Variants in ENTREP3 observed in about 807,000 individuals in gnomAD.
The protein encoded by ENTREP3 is protein ENTREP3.
At chr1:155,252,050 A>G in the ENTREP3 span, 6 of 568,204 alleles carry the variant, frequency 1.1e-5, no homozygotes, top group South Asian at 8.7e-5. Context: ...CCTCACCCAA[A>G]ATCAGCTCTC....
At chr1:155,248,251 C>A in the ENTREP3 span, 1 of 1,602,888 alleles carries the variant, frequency 6.2e-7, no homozygotes, top group Non-Finnish European at 8.5e-7. Context: ...CACGTAGCAA[C>A]TTGGGGGAAG....
the ENTREP3 span, chr1:155,250,599 G>T: frequency 6.2e-7 from 1 of 1,606,818 alleles, no homozygotes; most frequent in African/African-American, 1.3e-5. This position sits in a 1 kb window ranked among gnomAD's most constrained non-coding sequence, Gnocchi z 5.4. Flanking sequence ...GGCAGCCCGT[G>T]GGGGGCGCCG....
At chr1:155,254,917 T>TGCCAGGGAG in the ENTREP3 span, 1 of 1,500,160 alleles carries the variant, frequency 6.7e-7, no homozygotes, top group African/African-American at 1.4e-5. This position sits in a 1 kb window ranked among gnomAD's most constrained non-coding sequence, Gnocchi z 4.4. Context: ...CGGCCCTCCC[T>TGCCAGGGAG]GGCACTTGGG....
chr1:155,250,059 C>CAA, the ENTREP3 span, among the ~76,000 whole-genome samples: 4 of 126,064 alleles, frequency 3.2e-5, no homozygotes, highest in Non-Finnish European at 3.4e-5. This position sits in a 1 kb window ranked among gnomAD's most constrained non-coding sequence, Gnocchi z 5.4. Flanking sequence ...GACTCCGTCT[C>CAA]AAAAAAAAAA....
the ENTREP3 span, chr1:155,248,568 C>T: frequency 3.0e-6 from 3 of 997,312 alleles, no homozygotes; most frequent in Non-Finnish European, 3.2e-6. Flanking sequence ...GAGGAGCTTT[C>T]ACAGCTCCCA....
At chr1:155,255,033 G>T in the ENTREP3 span, 2 of 628,080 alleles carry the variant, frequency 3.2e-6, no homozygotes, top group Non-Finnish European at 5.5e-6. The surrounding 1 kb of genome is among the most constrained non-coding windows in gnomAD (Gnocchi z 5.6). Flanking sequence ...AGGGACGCCA[G>T]CTGTGGGGGG....
chr1:155,254,286 G>C, the ENTREP3 span: 3 of 1,489,618 alleles, frequency 2.0e-6, no homozygotes, highest in African/African-American at 4.1e-5. The surrounding 1 kb of genome is among the most constrained non-coding windows in gnomAD (Gnocchi z 4.4). Context: ...GACACTTCGT[G>C]CCCACCCGGC....
At chr1:155,251,983 A>G in the ENTREP3 span, 1 of 1,036,148 alleles carries the variant, frequency 9.7e-7, no homozygotes, top group Non-Finnish European at 1.3e-6. Flanking sequence ...CTCCTCTCTC[A>G]TCTACATTAT....
the ENTREP3 span, chr1:155,247,676 G>T: frequency 1.9e-6 from 2 of 1,065,310 alleles, no homozygotes; most frequent in Admixed American, 2.4e-5. Context: ...GGGGTATACA[G>T]CAGGTTTCTT....
At chr1:155,255,268 T>A in the ENTREP3 span, 1 of 296,252 alleles carries the variant, frequency 3.4e-6, no homozygotes, top group South Asian at 4.0e-5. The surrounding 1 kb of genome is among the most constrained non-coding windows in gnomAD (Gnocchi z 5.6). Flanking sequence ...AGGATGGAAA[T>A]AAGTCTAGAG....
the ENTREP3 span, chr1:155,248,277 G>A: frequency 1.6e-5 from 25 of 1,600,382 alleles, no homozygotes; most frequent in Admixed American, 5.1e-5. Context: ...CGGGCTAGGC[G>A]GAAGAGGCAG....
At chr1:155,252,715 T>C in the ENTREP3 span, 1 of 59,204 alleles carries the variant, frequency 1.7e-5, no homozygotes, top group South Asian at 5.9e-4. Flanking sequence ...TATATATATA[T>C]ATATATATTT....
the ENTREP3 span, chr1:155,253,791 C>G: frequency 6.2e-7 from 1 of 1,609,634 alleles, no homozygotes; most frequent in African/African-American, 1.3e-5. Context: ...ACATTATGGG[C>G]CTGTGAGTAC....
chr1:155,251,410 G>T, the ENTREP3 span: 1 of 936,080 alleles, frequency 1.1e-6, no homozygotes, highest in Non-Finnish European at 1.7e-6. Context: ...CTTGACCACT[G>T]TTACTATCTT....
At chr1:155,247,638 A>G in the ENTREP3 span, 2 of 812,976 alleles carry the variant, frequency 2.5e-6, no homozygotes, top group East Asian at 2.7e-5. Flanking sequence ...AAGAGACCCC[A>G]GAGGTAGGAG....
At chr1:155,250,662 C>T in the ENTREP3 span, 1 of 1,612,250 alleles carries the variant, frequency 6.2e-7, no homozygotes, top group Non-Finnish European at 8.5e-7. This position sits in a 1 kb window ranked among gnomAD's most constrained non-coding sequence, Gnocchi z 5.4. Flanking sequence ...CAGGCTGAGG[C>T]AGTAGCCGGC....
chr1:155,249,886 A>G, the ENTREP3 span, among the ~76,000 whole-genome samples: 1 of 60,612 alleles, frequency 1.6e-5, no homozygotes, highest in Non-Finnish European at 2.8e-5. Flanking sequence ...ACACCGTCTC[A>G]AAAAAAAAAA....
the ENTREP3 span, among the ~76,000 whole-genome samples, chr1:155,250,049 G>T: frequency 1.3e-5 from 2 of 151,172 alleles, no homozygotes; most frequent in African/African-American, 4.9e-5. The surrounding 1 kb of genome is among the most constrained non-coding windows in gnomAD (Gnocchi z 5.4). Flanking sequence ...CAGAGCCAGA[G>T]ACTCCGTCTC....
the ENTREP3 span, chr1:155,251,892 C>T: frequency 2.8e-5 from 40 of 1,441,956 alleles, no homozygotes; most frequent in Middle Eastern, 1.8e-4. Context: ...TGAGACTGAC[C>T]GCTCAGGGGC....
Sources: gnomAD v4.1 joint callset for allele counts (sites outside exome capture counted in the v4.1 genomes callset) on GRCh38, gnomAD v4.1.1 for gene constraint, Gnocchi (gnomAD v3.1) non-coding constraint, MANE v1.5 for transcripts, NCBI Gene and HGNC (gene_info 2026-07-23, HGNC 2026-07-21) for gene names.